GAK: variants seen among roughly 807,000 people sequenced by gnomAD.
GAK encodes the protein cyclin-G-associated kinase.
A neutral mutation model predicts 143.9 loss-of-function variants in GAK; 79 were observed. The observed-to-expected ratio is 0.55, with a 90% confidence interval of 0.46 to 0.66. GAK has a LOEUF of 0.66. Ranked by LOEUF, GAK falls within the 30% of genes least tolerant of loss-of-function variation. The pLI, the probability that GAK is intolerant of heterozygous loss-of-function variation, is 0.00. For missense variants in GAK, 1,693 were observed against 1,779.7 expected, an observed-to-expected ratio of 0.95 and a Z score of 0.88; for synonymous variants, 881 against 765.5, an observed-to-expected ratio of 1.15 and a Z score of -2.49.
intron 26 of GAK, chr4:850,655 C>T (rs1747967985): frequency 6.4e-6 from 1 of 157,346 alleles, no homozygotes; most frequent in Non-Finnish European, 1.4e-5. Flanking sequence ...CACCCCACCC[C>T]CACCAGCGCT....
intron 24 of GAK, among the ~76,000 whole-genome samples, chr4:858,710 CAGAGTGAGGACTCAAAGCCAGCCCGGGAG>C (rs1260861692): frequency 2.6e-5 from 4 of 152,224 alleles, no homozygotes; most frequent in Non-Finnish European, 5.9e-5. Context: ...CTCGCAAGAG[CAGAGTGAGGACTCAAAGCCAGCCCGGGAG>C]AGAGTGAGGA....
intron 7 of GAK, 179 bp from the exon 8 acceptor site, chr4:894,188 A>C: frequency 9.9e-6 from 5 of 506,348 alleles, no homozygotes; most frequent in South Asian, 3.4e-5. Flanking sequence ...GATATCGGGA[A>C]CATGGGAAAT....
intron 19 of GAK, chr4:869,489 GCA>G (rs1302540009): frequency 2.8e-5 from 4 of 143,092 alleles, no homozygotes; most frequent in East Asian, 2.1e-4. Context: ...ACACAGGAAT[GCA>G]CACACACAGA....
chr4:880,632 C>A (rs1182440625), intron 15 of GAK, among the ~76,000 whole-genome samples: 1 of 152,210 alleles, frequency 6.6e-6, no homozygotes, highest in Non-Finnish European at 1.5e-5. Context: ...TGGACTCTTT[C>A]TGGCCTCCTT....
intron 24 of GAK, among the ~76,000 whole-genome samples, chr4:856,042 CA>C: frequency 6.6e-6 from 1 of 152,198 alleles, no homozygotes; most frequent in East Asian, 1.9e-4. Context: ...TGCAGTGATG[CA>C]ATAATAGCTC....
Position 849,743 on chromosome 4 carries a change from T to C in GAK, c.3866A>G (p.Lys1289Arg), listed in dbSNP as rs573179250. The C allele has an allele frequency of 6.2e-7, 1 of 1,613,492 alleles. No homozygotes were observed. The highest frequency in any genetic ancestry group is 8.5e-7 in the Non-Finnish European group (1 of 1,179,686). The change falls in exon 28 of 28, where the codon AAG becomes AGG. Residue 1289 changes from lysine (K) to arginine (R), a missense_variant. Physicochemically the swap from Lys to Arg is conservative, Grantham distance 26. Coordinates refer to ENST00000314167, the MANE Select transcript of GAK (RefSeq NM_005255.4). ...GTCATTCAGCTCCATGAAGATCATCTTGGCGTGCTGCTCGTACGGCTGCCC... is the reference window on the plus strand; with the variant it reads ...GTCATTCAGCTCCATGAAGATCATCCTGGCGTGCTGCTCGTACGGCTGCCC... ...AAGQPYEQHAKMIFMELNDAW... is the reference protein window; with the variant it reads ...AAGQPYEQHARMIFMELNDAW...
In GAK at chr4:888,787, C is replaced by A. The variant is rs527448008; in HGVS notation, c.1205+60G>T. The A allele has an allele frequency of 5.8e-6, 9 of 1,552,126 alleles. No homozygotes were observed. The African/African-American group carries it at 9.5e-5, about 16-fold the overall frequency. ...TCCACCGCAGCCAGGAAGCAAGGGC[C>A]GGGGCTGCAGCCTGGAACGAGCGTG... is the stretch of plus-strand genomic sequence containing the variant. On this transcript the variant is annotated intron_variant, in intron 11 of 27. Coordinates refer to ENST00000314167, the MANE Select transcript of GAK (RefSeq NM_005255.4).
chr4:911,272 G>A (rs1254143264), intron 4 of GAK, among the ~76,000 whole-genome samples: 1 of 151,782 alleles, frequency 6.6e-6, no homozygotes, highest in African/African-American at 2.4e-5. Flanking sequence ...GCTCAACACC[G>A]CTCATGGAAG....
rs1306983698 is a variant in GAK, at chr4:866,219, A to G, written c.3043+145T>C. On this transcript the variant is annotated intron_variant, in intron 22 of 27. Transcript: ENST00000314167. ...CCTGACCTCTGGGACGTCCTGCAGGATGCTTGGGCCGCAAGGAGCGCACCC... is the reference window on the plus strand; with the variant it reads ...CCTGACCTCTGGGACGTCCTGCAGGGTGCTTGGGCCGCAAGGAGCGCACCC... The G allele has an allele frequency of 7.8e-6, 6 of 765,850 alleles. No individual in the cohort carries two copies. In the East Asian group the frequency reaches 1.1e-4, roughly 14 times the overall value. 47.4% of individuals were successfully genotyped at this position (765,850 alleles called of 1,614,324 possible).
chr4:851,651 G>A, intron 25 of GAK, 99 bp downstream of exon 25: 1 of 1,284,846 alleles, frequency 7.8e-7, no homozygotes, highest in Non-Finnish European at 1.1e-6. Flanking sequence ...CCTGTCCCAG[G>A]ACTGGGCTCT....
Position 867,392 on chromosome 4 carries a change from G to A in GAK, c.2436C>T (p.Ser812=), listed in dbSNP as rs764690561. 3 of 1,551,450 alleles carry A rather than the reference G, an allele frequency of 1.9e-6. No homozygotes were observed. In the African/African-American group the frequency reaches 4.1e-5, roughly 21 times the overall value. Reference sequence around the variant, plus strand: ...CCATCAGGGCAGACTCGCTCTCCTTGGAAGAGGCATTTTCTGCACCAGTCT... The same window carrying A: ...CCATCAGGGCAGACTCGCTCTCCTTAGAAGAGGCATTTTCTGCACCAGTCT... ...EAETGAENAS[S]KESESALMED... The change falls in exon 21 of 28, where the codon TCC becomes TCT. Residue 812 remains serine (S), a synonymous_variant. Coordinates refer to ENST00000314167, the MANE Select transcript of GAK (RefSeq NM_005255.4).
intron 3 of GAK, 194 bp downstream of exon 3, chr4:912,541 T>TAAAA: frequency 2.2e-6 from 1 of 457,556 alleles, no homozygotes; most frequent in Non-Finnish European, 4.0e-6. Flanking sequence ...ACCCTGGCAG[T>TAAAA]AAAAAAAAAA....
At chr4:850,387 GA>G in intron 26 of GAK, 1 of 296,364 alleles carries the variant, frequency 3.4e-6, no homozygotes, top group Non-Finnish European at 6.3e-6. Context: ...GACTCCGAGG[GA>G]GAAGGGGATG....
chr4:909,565 GCACGGAC>G (rs1307134964), intron 4 of GAK, among the ~76,000 whole-genome samples: 1 of 152,000 alleles, frequency 6.6e-6, no homozygotes, highest in Admixed American at 6.5e-5. Flanking sequence ...GAAGGGCCCA[GCACGGAC>G]CACACAGCAC....
intron 24 of GAK, among the ~76,000 whole-genome samples, chr4:858,514 C>T (rs1749687472): frequency 6.6e-6 from 1 of 152,206 alleles, no homozygotes; most frequent in Non-Finnish European, 1.5e-5. Context: ...CCCCACCGTG[C>T]TCTCAGACAA....
chr4:909,527 G>A (rs1207905193), intron 4 of GAK, among the ~76,000 whole-genome samples: 1 of 152,192 alleles, frequency 6.6e-6, no homozygotes, highest in Admixed American at 6.5e-5. Context: ...CGGGAGCGGC[G>A]TGTCAGGGAT....
chr4:849,833 G>GGGGGGGGGCGCCCCCCCC, intron 27 of GAK, 59 bp from the exon 28 acceptor site: 1 of 1,190,156 alleles, frequency 8.4e-7, no homozygotes, highest in Non-Finnish European at 1.2e-6. Flanking sequence ...GGCGGGGCAG[G>GGGGGGGGGCGCCCCCCCC]ACCCCCCCCC....
chr4:912,192 G>A (rs1389384983), intron 3 of GAK: 2 of 455,794 alleles, frequency 4.4e-6, no homozygotes, highest in East Asian at 1.4e-4. Flanking sequence ...AGGAAAGAGA[G>A]GCAGAGTCTG....
intron 4 of GAK, among the ~76,000 whole-genome samples, chr4:908,619 G>A (rs1363111891): frequency 1.3e-5 from 2 of 152,004 alleles, no homozygotes; most frequent in African/African-American, 2.4e-5. Context: ...CTGTCTCTAA[G>A]AAAAGTTTAC....
Sources: allele counts gnomAD v4.1 joint callset (sites outside exome capture counted in the v4.1 genomes callset), GRCh38; gene constraint gnomAD v4.1.1; transcripts MANE v1.5; gene names NCBI Gene and HGNC (gene_info 2026-07-23, HGNC 2026-07-21).